Variants in VPS53 observed in about 807,000 individuals in gnomAD.
The protein encoded by VPS53 is vacuolar protein sorting-associated protein 53 homolog.
VPS53 carries 70 observed loss-of-function variants against 107.0 expected under a neutral mutation model. The ratio of observed to expected loss-of-function variants is 0.65; its 90% CI spans 0.54 to 0.80. The LOEUF (loss-of-function observed/expected upper bound fraction) is 0.80. VPS53 is among the 30% of genes least tolerant of loss of function. The probability of loss-of-function intolerance (pLI) is 0.00; values close to 1 mark genes in which losing one functional copy is unlikely to be tolerated. For synonymous variants in VPS53, 409 were observed against 393.3 expected, an observed-to-expected ratio of 1.04 and a Z score of -0.47; for missense variants, 917 against 1,049.4, an observed-to-expected ratio of 0.87 and a Z score of 1.74.
At chr17:586,989 A>G (rs1459117634) in intron 12 of VPS53, among the ~76,000 whole-genome samples, 1 of 152,150 alleles carries the variant, frequency 6.6e-6, no homozygotes, top group African/African-American at 2.4e-5. Context: ...TGGACAACCA[A>G]TAGAGGATTG....
intron 7 of VPS53, among the ~76,000 whole-genome samples, chr17:643,094 T>TACTTGGAAACCGAGGACAACACTCAC (rs1970504897): frequency 1.5e-5 from 2 of 131,542 alleles, no homozygotes; most frequent in Admixed American, 7.4e-5. Context: ...ACAACACTCA[T>TACTTGGAAACCGAGGACAACACTCAC]ACTTGGAAAC....
At chr17:703,584 T>C (rs1234124653) in intron 2 of VPS53, among the ~76,000 whole-genome samples, 1 of 152,194 alleles carries the variant, frequency 6.6e-6, no homozygotes, top group African/African-American at 2.4e-5. Context: ...TCTCGTTTAG[T>C]TATAATGTGG....
intron 11 of VPS53, among the ~76,000 whole-genome samples, chr17:621,873 A>G (rs1260872402): frequency 6.6e-6 from 1 of 151,960 alleles, no homozygotes; most frequent in Non-Finnish European, 1.5e-5. Context: ...ACTTTTCTTC[A>G]TGGCTTTTGG....
At chr17:674,883 T>C (rs936035335) in intron 4 of VPS53, 8 of 152,248 alleles carry the variant, frequency 5.3e-5, no homozygotes, top group Admixed American at 5.2e-4. Context: ...CATCTCTTCA[T>C]CTGTAAAATG....
intron 1 of VPS53, among the ~76,000 whole-genome samples, chr17:713,896 T>A (rs557719374): frequency 1.3e-4 from 19 of 144,748 alleles, no homozygotes; most frequent in African/African-American, 4.3e-4. Context: ...AAAAAAAAAA[T>A]TAGCCGGGTG....
At chr17:597,728 G>C (rs1597360723) in intron 12 of VPS53, among the ~76,000 whole-genome samples, 1 of 151,946 alleles carries the variant, frequency 6.6e-6, no homozygotes, top group East Asian at 1.9e-4. Flanking sequence ...TTTTAGTATG[G>C]TTTCACCATG....
chr17:658,016 G>A (rs12945610), intron 5 of VPS53, among the ~76,000 whole-genome samples: 3 of 99,270 alleles, frequency 3.0e-5, no homozygotes, highest in African/African-American at 4.1e-5. Flanking sequence ...CCGTGAGTTC[G>A]TGGATAGATA....
intron 12 of VPS53, among the ~76,000 whole-genome samples, chr17:598,858 C>T (rs1218075699): frequency 4.3e-4 from 30 of 69,688 alleles, no homozygotes; most frequent in African/African-American, 1.2e-3. Context: ...CCACCCCGTC[C>T]GGGAGGGAGG....
At chr17:578,908 G>A (rs1286238021) in intron 13 of VPS53, among the ~76,000 whole-genome samples, 3 of 103,664 alleles carry the variant, frequency 2.9e-5, no homozygotes, top group African/African-American at 1.1e-4. Flanking sequence ...CCTCAGAATG[G>A]AATGCGTTTG....
intron 12 of VPS53, among the ~76,000 whole-genome samples, chr17:589,172 C>T (rs185165819): frequency 4.4e-4 from 66 of 151,708 alleles, no homozygotes; most frequent in African/African-American, 1.6e-3. Context: ...TTACATAATA[C>T]AGAATGTTAA....
intron 3 of VPS53, among the ~76,000 whole-genome samples, chr17:698,996 C>T (rs1188529048): frequency 1.3e-5 from 2 of 151,780 alleles, no homozygotes; most frequent in African/African-American, 4.8e-5. Flanking sequence ...GGTGAAACCC[C>T]GTCTCTACTA....
At chr17:549,924 T>TAA (rs2151835311) in intron 17 of VPS53, among the ~76,000 whole-genome samples, 1 of 152,346 alleles carries the variant, frequency 6.6e-6, no homozygotes, top group East Asian at 1.9e-4. Flanking sequence ...CATAAAACCC[T>TAA]AAAGCCTACA....
chr17:712,192 T>TC (rs1274051407), intron 1 of VPS53, among the ~76,000 whole-genome samples: 3 of 148,338 alleles, frequency 2.0e-5, no homozygotes, highest in African/African-American at 7.6e-5. Flanking sequence ...TTTTTTTTTT[T>TC]TTTTTCGAGA....
chr17:688,386 C>G (rs1357639911), intron 4 of VPS53, among the ~76,000 whole-genome samples: 1 of 152,208 alleles, frequency 6.6e-6, no homozygotes, highest in Non-Finnish European at 1.5e-5. Context: ...TTTCCTGAGG[C>G]ATCCCCAGCC....
At chr17:595,897 C>A (rs1421889104) in intron 12 of VPS53, among the ~76,000 whole-genome samples, 2 of 122,558 alleles carry the variant, frequency 1.6e-5, no homozygotes, top group Non-Finnish European at 3.3e-5. Flanking sequence ...TCTAGTGTCC[C>A]CCTGGAGGAA....
At chr17:640,538 G>A (rs1422831069) in intron 7 of VPS53, among the ~76,000 whole-genome samples, 1 of 152,062 alleles carries the variant, frequency 6.6e-6, no homozygotes, top group Non-Finnish European at 1.5e-5. Context: ...AGCCATCTTA[G>A]AACTGCCTAT....
At chr17:591,589 C>T (rs904872064) in intron 12 of VPS53, among the ~76,000 whole-genome samples, 1 of 152,070 alleles carries the variant, frequency 6.6e-6, no homozygotes. Flanking sequence ...TCTTTGTTCT[C>T]GTTGGTTTCA....
intron 4 of VPS53, among the ~76,000 whole-genome samples, chr17:666,382 G>C (rs1343193815): frequency 6.6e-6 from 1 of 152,162 alleles, no homozygotes; most frequent in East Asian, 1.9e-4. Flanking sequence ...TCATGTAAGA[G>C]GCTGGGCGCA....
Position 519,956 on chromosome 17 carries a change from G to A in VPS53, c.2224-26C>T. 1 of 1,512,328 alleles carries A rather than the reference G, an allele frequency of 6.6e-7. No homozygotes were observed. Among genetic ancestry groups the A allele is most frequent in the Middle Eastern group, 1.7e-4 (1 of 5,798 alleles). The allele number at this position is 1,512,328 out of a possible 1,614,324, so 93.7% of individuals were successfully genotyped here. Reference sequence around the variant, plus strand: ...CTACAGCGGGAGGAGACAGGAGCAAGCCCCTCAGGAAAACTACCACCACGG... The same window carrying A: ...CTACAGCGGGAGGAGACAGGAGCAAACCCCTCAGGAAAACTACCACCACGG... On this transcript the variant is annotated intron_variant, in intron 20 of 21. Transcript: ENST00000437048. This position sits in a 1 kb window ranked among gnomAD's most constrained non-coding sequence, Gnocchi z 5.0.
Sources: gnomAD v4.1 joint callset for allele counts (sites outside exome capture counted in the v4.1 genomes callset) on GRCh38, gnomAD v4.1.1 for gene constraint, Gnocchi (gnomAD v3.1) non-coding constraint, MANE v1.5 for transcripts, NCBI Gene and HGNC (gene_info 2026-07-23, HGNC 2026-07-21) for gene names.